The following RBFOX1 variants were observed in gnomAD, a reference collection of about 807,000 sequenced individuals.
RBFOX1 encodes the protein RNA binding protein fox-1 homolog 1.
In RBFOX1, 8 loss-of-function variants were observed where a neutral mutation model predicts 57.7. That is an observed-to-expected ratio of 0.14 (90% CI 0.08 to 0.25). The LOEUF is 0.25. Ranked by LOEUF, RBFOX1 falls within the 10% of genes least tolerant of loss-of-function variation. The pLI is 1.00. For missense variants in RBFOX1, 611 were observed against 548.5 expected, an observed-to-expected ratio of 1.11 and a Z score of -1.14; for synonymous variants, 326 against 222.4, an observed-to-expected ratio of 1.47 and a Z score of -4.15.
intron 3 of RBFOX1, among the ~76,000 whole-genome samples, chr16:6,930,394 C>G (rs2076309264): frequency 6.6e-6 from 1 of 152,100 alleles, no homozygotes. Context: ...TCACACCCAT[C>G]AGGATGGCTA....
At chr16:5,995,713 C>T (rs1406117940) in intron 4 of RBFOX1, among the ~76,000 whole-genome samples, 2 of 152,108 alleles carry the variant, frequency 1.3e-5, no homozygotes, top group Non-Finnish European at 1.5e-5. Context: ...TTGATATAAA[C>T]AGAAGAAGAG....
chr16:6,861,654 C>T (rs1460607595), intron 3 of RBFOX1, among the ~76,000 whole-genome samples: 4 of 152,018 alleles, frequency 2.6e-5, no homozygotes, highest in African/African-American at 9.7e-5. Flanking sequence ...ACAGACTTGG[C>T]ATGCAACCTC....
At chr16:5,791,976 C>T (rs891798986) in intron 3 of RBFOX1, among the ~76,000 whole-genome samples, 1 of 152,124 alleles carries the variant, frequency 6.6e-6, no homozygotes, top group African/African-American at 2.4e-5. Context: ...CCTTTGTACA[C>T]CAGAGACTTT....
intron 1 of RBFOX1, chr16:5,467,131 A>G: frequency 7.4e-7 from 1 of 1,358,326 alleles, no homozygotes; most frequent in Non-Finnish European, 9.8e-7. Flanking sequence ...TCTAAGAGAA[A>G]AACAAAGCCA....
At chr16:6,970,617 C>A (rs749708060) in intron 3 of RBFOX1, among the ~76,000 whole-genome samples, 1 of 152,138 alleles carries the variant, frequency 6.6e-6, no homozygotes, top group East Asian at 1.9e-4. Flanking sequence ...CTCCCTCCTG[C>A]CTCTTTTGGA....
intron 1 of RBFOX1, among the ~76,000 whole-genome samples, chr16:5,258,464 A>T (rs1052139992): frequency 6.6e-6 from 1 of 152,192 alleles, no homozygotes; most frequent in African/African-American, 2.4e-5. Flanking sequence ...TAATTCCTTA[A>T]TATCCTCTAA....
intron 1 of RBFOX1, among the ~76,000 whole-genome samples, chr16:5,374,025 C>T (rs1415839494): frequency 6.6e-6 from 1 of 152,246 alleles, no homozygotes; most frequent in Non-Finnish European, 1.5e-5. Flanking sequence ...TCAAGCGATT[C>T]TCCTGCCTCA....
At chr16:7,573,100 G>A (rs2092960161) in intron 5 of RBFOX1, among the ~76,000 whole-genome samples, 1 of 152,168 alleles carries the variant, frequency 6.6e-6, no homozygotes, top group Admixed American at 6.5e-5. Context: ...AGTTGCTGTA[G>A]ATCATAGGGC....
intron 2 of RBFOX1, among the ~76,000 whole-genome samples, chr16:5,546,852 T>G (rs553038252): frequency 1.3e-5 from 2 of 152,264 alleles, no homozygotes; most frequent in South Asian, 4.1e-4. Context: ...GTCTGCAAAC[T>G]ATATATCTGA....
chr16:6,369,821 C>A (rs1547953), intron 2 of RBFOX1, among the ~76,000 whole-genome samples: 66,897 of 151,968 alleles, frequency 0.44, 15,947 homozygotes, highest in African/African-American at 0.61. Flanking sequence ...AAACAAGGAC[C>A]TAACCACAAT....
chr16:5,274,704 G>T (rs184084426), intron 1 of RBFOX1, among the ~76,000 whole-genome samples: 2 of 152,178 alleles, frequency 1.3e-5, no homozygotes, highest in South Asian at 2.1e-4. Flanking sequence ...GGGTTATTTT[G>T]CCTAGACTAT....
chr16:6,893,312 C>T (rs1428058261), intron 3 of RBFOX1, among the ~76,000 whole-genome samples: 2 of 152,040 alleles, frequency 1.3e-5, no homozygotes, highest in East Asian at 1.9e-4. Flanking sequence ...GAAAGAAAGC[C>T]CCTAGAGATC....
chr16:7,704,856 G>A (rs2081934464), intron 14 of RBFOX1, among the ~76,000 whole-genome samples: 1 of 151,960 alleles, frequency 6.6e-6, no homozygotes. Context: ...TTTGAGACCA[G>A]CCTGGGCAAC....
intron 3 of RBFOX1, among the ~76,000 whole-genome samples, chr16:5,729,396 CTTTTTTTTTT>C (rs71142649): frequency 2.7e-5 from 3 of 111,480 alleles, no homozygotes; most frequent in Non-Finnish European, 3.6e-5. Flanking sequence ...TTTTTCTTTT[CTTTTTTTTTT>C]TTTTTTTTTG....
At chr16:6,092,498 C>G (rs1031306990) in intron 1 of RBFOX1, 1 of 152,182 alleles carries the variant, frequency 6.6e-6, no homozygotes, top group Admixed American at 6.5e-5. Flanking sequence ...GACATCTTCA[C>G]GTGCTTCGTG....
intron 3 of RBFOX1, among the ~76,000 whole-genome samples, chr16:6,753,028 A>G (rs911205158): frequency 2.0e-5 from 3 of 152,204 alleles, no homozygotes; most frequent in African/African-American, 7.2e-5. Flanking sequence ...TTCAAAATTT[A>G]TTGTAACTTT....
At chr16:5,330,636 C>T (rs367591430) in intron 1 of RBFOX1, among the ~76,000 whole-genome samples, 2 of 151,662 alleles carry the variant, frequency 1.3e-5, no homozygotes, top group Non-Finnish European at 2.9e-5. Flanking sequence ...AACTTCTGAC[C>T]TCAGGTGATC....
intron 3 of RBFOX1, among the ~76,000 whole-genome samples, chr16:5,778,001 A>T (rs2054201072): frequency 6.6e-6 from 1 of 152,180 alleles, no homozygotes; most frequent in Non-Finnish European, 1.5e-5. Context: ...ACAAAGATTC[A>T]GGAGCATTAA....
intron 4 of RBFOX1, among the ~76,000 whole-genome samples, chr16:7,252,400 G>A (rs545879458): frequency 1.3e-5 from 2 of 152,338 alleles, no homozygotes; most frequent in South Asian, 2.1e-4. Flanking sequence ...TGGGGCAGAG[G>A]TCTTCAACTG....
Sources: gnomAD v4.1 joint callset for allele counts (sites outside exome capture counted in the v4.1 genomes callset) on GRCh38, gnomAD v4.1.1 for gene constraint, MANE v1.5 for transcripts, NCBI Gene and HGNC (gene_info 2026-07-23, HGNC 2026-07-21) for gene names.